The following NRG3 variants were observed in gnomAD, a reference collection of about 807,000 sequenced individuals.
NRG3 encodes neuregulin 3.
A neutral mutation model predicts 66.9 loss-of-function variants in NRG3; 31 were observed. The ratio of observed to expected loss-of-function variants is 0.46; its 90% CI spans 0.35 to 0.63. The LOEUF is 0.63. Among genes scored for constraint, NRG3 ranks in the 20% least tolerant of loss-of-function variants. The pLI is 0.00. For missense variants in NRG3, 910 were observed against 878.9 expected, an observed-to-expected ratio of 1.04 and a Z score of -0.45; for synonymous variants, 393 against 359.4, an observed-to-expected ratio of 1.09 and a Z score of -1.06.
At chr10:82,259,896 C>T (rs2077930415) in intron 1 of NRG3, among the ~76,000 whole-genome samples, 1 of 151,932 alleles carries the variant, frequency 6.6e-6, no homozygotes, top group African/African-American at 2.4e-5. Context: ...TACACCTTTG[C>T]ACTCCAACCT....
intron 1 of NRG3, among the ~76,000 whole-genome samples, chr10:81,955,272 G>A (rs192811115): frequency 2.6e-5 from 4 of 151,700 alleles, no homozygotes; most frequent in Admixed American, 2.6e-4. Flanking sequence ...ATCTGGTTAA[G>A]TCCAAAGTAT....
At chr10:82,393,327 A>C (rs2135979832) in intron 2 of NRG3, among the ~76,000 whole-genome samples, 1 of 152,242 alleles carries the variant, frequency 6.6e-6, no homozygotes, top group East Asian at 1.9e-4. Flanking sequence ...TCACTTTCAA[A>C]GACCGAGGAG....
At chr10:82,953,957 C>A (rs370672609) in intron 5 of NRG3, among the ~76,000 whole-genome samples, 172 of 141,674 alleles carry the variant, frequency 1.2e-3, no homozygotes, top group South Asian at 1.3e-3. Context: ...GATTCAGTCT[C>A]AAAAAAAAAA....
rs1235051410 is a variant in NRG3, at chr10:82,408,121, AAGAAAG to A, written c.953+49255_953+49260del. On this transcript the variant is annotated intron_variant, in intron 2 of 8. Transcript: ENST00000372141. ...AAAGAAAGAAAGAAAGAAAGAAAGA[AAGAAAG>A]AAAGAAAGAAAGAAAGAAAAGAAAA... Among the ~76,000 whole-genome samples, 8 of 143,548 alleles carry A rather than the reference AAGAAAG, an allele frequency of 5.6e-5. 1 individual carries two copies. Among genetic ancestry groups the A allele is most frequent in the Admixed American group, 2.2e-4 (3 of 13,894 alleles). The allele number at this position is 143,548 out of a possible 152,430, so 94.2% of individuals were successfully genotyped here.
intron 1 of NRG3, among the ~76,000 whole-genome samples, chr10:82,046,972 A>C (rs188984115): frequency 5.4e-5 from 8 of 148,440 alleles, no homozygotes; most frequent in African/African-American, 2.0e-4. Flanking sequence ...TCGGTTTGTC[A>C]GTATTTTACT....
rs569754151 is a variant in NRG3, at chr10:82,633,665, G to A, written c.954-104912G>A. ...GCAGGCTGATGTTTACAAAGGTTAG[G>A]ACTTTCTACCAGCTTATTTAAAGTC... On this transcript the variant is annotated intron_variant, in intron 2 of 8. Coordinates refer to ENST00000372141, the MANE Select transcript of NRG3 (RefSeq NM_001010848.4). 1.8e-4 allele frequency among the ~76,000 whole-genome samples: 28 copies of A among 152,224 alleles called. 1 individual carries two copies. Among genetic ancestry groups the A allele is most frequent in the African/African-American group, 6.5e-4 (27 of 41,538 alleles).
chr10:82,761,129 A>G (rs1258225169), intron 3 of NRG3, among the ~76,000 whole-genome samples: 1 of 152,000 alleles, frequency 6.6e-6, no homozygotes, highest in Non-Finnish European at 1.5e-5. Flanking sequence ...AAGAAAATAT[A>G]GAATATTTTA....
chr10:82,042,369 G>A (rs1037270615), intron 1 of NRG3, among the ~76,000 whole-genome samples: 1 of 151,984 alleles, frequency 6.6e-6, no homozygotes, highest in Non-Finnish European at 1.5e-5. Flanking sequence ...CATATACATA[G>A]ATTTTCAACT....
At chr10:81,997,066 C>A (rs1050058890) in intron 1 of NRG3, among the ~76,000 whole-genome samples, 1 of 152,150 alleles carries the variant, frequency 6.6e-6, no homozygotes, top group African/African-American at 2.4e-5. Flanking sequence ...AGAGACTATA[C>A]ATTTCCTCAC....
At chr10:82,320,299 C>T (rs1452087126) in intron 1 of NRG3, among the ~76,000 whole-genome samples, 1 of 152,008 alleles carries the variant, frequency 6.6e-6, no homozygotes, top group Admixed American at 6.6e-5. Context: ...TTAGTAAATA[C>T]CTAAGTCATT....
At position 82,441,295 on chromosome 10, in the gene NRG3, C is replaced by T. The variant is rs149957791; in HGVS notation, c.953+82427C>T. 4.6e-3 allele frequency among the ~76,000 whole-genome samples: 693 copies of T among 152,246 alleles called. 4 individuals carry two copies. The highest frequency in any genetic ancestry group is 0.016 in the African/African-American group (669 of 41,556). On this transcript the variant is annotated intron_variant, in intron 2 of 8. Transcript: ENST00000372141. ...AAGTGGGAGCGATAAACCATTAATA[C>T]ACATATAAGGGATTTCGGAGAAAAT...
At chr10:82,483,181 C>A (rs1842422263) in intron 2 of NRG3, among the ~76,000 whole-genome samples, 1 of 152,184 alleles carries the variant, frequency 6.6e-6, no homozygotes, top group South Asian at 2.1e-4. Context: ...TATTCAGAGA[C>A]CAGCCTGGCC....
intron 3 of NRG3, among the ~76,000 whole-genome samples, chr10:82,774,808 C>CTTTTTTTTTTTTTTT (rs1565301351): frequency 7.8e-6 from 1 of 128,036 alleles, no homozygotes; most frequent in African/African-American, 3.2e-5. Flanking sequence ...TTTTATTTTC[C>CTTTTTTTTTTTTTTT]TTTTTCTTTT....
chr10:82,206,573 T>C (rs185261511), intron 1 of NRG3, among the ~76,000 whole-genome samples: 1 of 152,140 alleles, frequency 6.6e-6, no homozygotes, highest in Non-Finnish European at 1.5e-5. Flanking sequence ...AATGCCAGTG[T>C]TATGTGTGTG....
intron 3 of NRG3, among the ~76,000 whole-genome samples, chr10:82,861,934 G>A (rs2064150073): frequency 6.6e-6 from 1 of 152,168 alleles, no homozygotes; most frequent in Non-Finnish European, 1.5e-5. Context: ...TTAGTGTAAT[G>A]ATAGGTAATC....
intron 6 of NRG3, among the ~76,000 whole-genome samples, chr10:82,970,551 T>G (rs150295678): frequency 1.3e-5 from 2 of 152,348 alleles, no homozygotes; most frequent in Admixed American, 1.3e-4. Context: ...TTTATTTTTC[T>G]GTGAAATTCT....
intron 3 of NRG3, among the ~76,000 whole-genome samples, chr10:82,816,160 A>G (rs1199280165): frequency 6.6e-6 from 1 of 152,068 alleles, no homozygotes; most frequent in Non-Finnish European, 1.5e-5. Context: ...CCTTCTTGTC[A>G]CCCACAATGT....
intron 1 of NRG3, among the ~76,000 whole-genome samples, chr10:81,975,170 A>G (rs1190970382): frequency 1.3e-5 from 2 of 152,174 alleles, no homozygotes; most frequent in Non-Finnish European, 2.9e-5. Flanking sequence ...AGGTGCCAGT[A>G]TCTCTACTGT....
At chr10:82,068,511 T>C (rs2064620777) in intron 1 of NRG3, among the ~76,000 whole-genome samples, 1 of 152,194 alleles carries the variant, frequency 6.6e-6, no homozygotes, top group African/African-American at 2.4e-5. Flanking sequence ...ACTAGTCACA[T>C]AAAACCACAA....
Sources: allele counts gnomAD v4.1 joint callset (sites outside exome capture counted in the v4.1 genomes callset), GRCh38; gene constraint gnomAD v4.1.1; transcripts MANE v1.5; gene names NCBI Gene and HGNC (gene_info 2026-07-23, HGNC 2026-07-21).